The following EXOC6B variants were observed in gnomAD, a reference collection of about 807,000 sequenced individuals.
EXOC6B encodes the protein SEC15 homolog B.
A neutral mutation model predicts 113.5 loss-of-function variants in EXOC6B; 54 were observed. The ratio of observed to expected loss-of-function variants is 0.48; its 90% confidence interval spans 0.38 to 0.60. The LOEUF (loss-of-function observed/expected upper bound fraction) is 0.60. EXOC6B is among the 20% of genes least tolerant of loss of function. The pLI is 0.00. For missense variants in EXOC6B, 797 were observed against 977.5 expected (o/e 0.82, Z 2.46); for synonymous variants, 357 against 339.0 (o/e 1.05, Z -0.58).
chr2:72,760,012 G>A (rs1041796705), intron 1 of EXOC6B, among the ~76,000 whole-genome samples: 3 of 152,170 alleles, frequency 2.0e-5, no homozygotes, highest in Non-Finnish European at 4.4e-5. Flanking sequence ...TTCACACCAT[G>A]TGTCAGAGAG....
intron 6 of EXOC6B, among the ~76,000 whole-genome samples, chr2:72,706,896 T>G (rs1341612767): frequency 6.6e-6 from 1 of 152,194 alleles, no homozygotes; most frequent in African/African-American, 2.4e-5. Context: ...CACTTTGTGC[T>G]TGGAGCCCAT....
At chr2:72,765,310 A>C (rs1378101692) in intron 1 of EXOC6B, among the ~76,000 whole-genome samples, 2 of 152,084 alleles carry the variant, frequency 1.3e-5, no homozygotes, top group African/African-American at 4.8e-5. Flanking sequence ...AAATAAAAAT[A>C]AATAAATGAA....
At chr2:72,468,004 C>G (rs1472866417) in intron 17 of EXOC6B, among the ~76,000 whole-genome samples, 2 of 152,158 alleles carry the variant, frequency 1.3e-5, no homozygotes. Context: ...CTCTTGACCT[C>G]AAGTGATTCG....
chr2:72,530,188 T>C (rs1701929800), intron 8 of EXOC6B, among the ~76,000 whole-genome samples: 1 of 152,206 alleles, frequency 6.6e-6, no homozygotes, highest in East Asian at 1.9e-4. Context: ...ATTTTGCCTT[T>C]CTTTTCCTAG....
chr2:72,781,443 A>T (rs1684028862), intron 1 of EXOC6B, among the ~76,000 whole-genome samples: 1 of 152,240 alleles, frequency 6.6e-6, no homozygotes, highest in South Asian at 2.1e-4. Flanking sequence ...GCAGCCAATT[A>T]TCTAGAGTCA....
chr2:72,730,579 G>GACAC (rs3034987), intron 5 of EXOC6B, among the ~76,000 whole-genome samples: 6,787 of 144,462 alleles, frequency 0.047, 460 homozygotes, highest in African/African-American at 0.15. Flanking sequence ...AACAGACAGA[G>GACAC]ACACACACAC....
chr2:72,685,789 A>T (rs1677046675), intron 6 of EXOC6B, among the ~76,000 whole-genome samples: 1 of 152,232 alleles, frequency 6.6e-6, no homozygotes, highest in South Asian at 2.1e-4. Context: ...AACAATGCCT[A>T]AAAGGCATTT....
intron 18 of EXOC6B, among the ~76,000 whole-genome samples, chr2:72,381,327 C>G (rs985512178): frequency 6.6e-6 from 1 of 152,008 alleles, no homozygotes; most frequent in Non-Finnish European, 1.5e-5. Flanking sequence ...TGGAAGTATA[C>G]CACAATTTAT....
In EXOC6B at chr2:72,643,033, C is replaced by G. The variant is rs1033812418; in HGVS notation, c.670-67365G>C. On this transcript the variant is annotated intron_variant, in intron 6 of 21. Transcript: ENST00000272427. ...AAAAATGCTCACCATCACTGGCCAC[C>G]AGAGAAATGCAAATCAAAACCACAA... 6.4e-4 allele frequency among the ~76,000 whole-genome samples: 97 copies of G among 152,186 alleles called. 1 individual carries two copies. In the East Asian group the frequency reaches 0.013, roughly 21 times the overall value.
At position 72,369,078 on chromosome 2, in the gene EXOC6B, T is replaced by C. The variant is rs964867555; in HGVS notation, c.2122+10651A>G. Among the ~76,000 whole-genome samples the C allele has an allele frequency of 1.0e-3, 153 of 152,278 alleles. 1 individual carries two copies. The highest frequency in any genetic ancestry group is 3.7e-3 in the Admixed American group (56 of 15,294). Reference sequence around the variant, plus strand: ...TAGGAAAAGAGGTAGTCAAATTGTCTCTGTTTGCAGATGACATGATTGTAT... The same window carrying C: ...TAGGAAAAGAGGTAGTCAAATTGTCCCTGTTTGCAGATGACATGATTGTAT... On this transcript the variant is annotated intron_variant, in intron 19 of 21. Coordinates refer to ENST00000272427, the MANE Select transcript of EXOC6B (RefSeq NM_015189.3).
intron 6 of EXOC6B, among the ~76,000 whole-genome samples, chr2:72,589,706 G>A (rs1171712472): frequency 6.6e-6 from 1 of 151,826 alleles, no homozygotes; most frequent in East Asian, 1.9e-4. Context: ...TTGTGAGTGT[G>A]CACAGTGGGT....
At chr2:72,356,662 A>G (rs1423661678) in intron 19 of EXOC6B, among the ~76,000 whole-genome samples, 1 of 152,170 alleles carries the variant, frequency 6.6e-6, no homozygotes, top group African/African-American at 2.4e-5. Context: ...GTAAAAAATT[A>G]TTGACCTTAT....
chr2:72,242,724 T>A (rs1275391515), intron 20 of EXOC6B, among the ~76,000 whole-genome samples: 1 of 152,160 alleles, frequency 6.6e-6, no homozygotes, highest in East Asian at 1.9e-4. Context: ...CCCAATTATA[T>A]GTTATATATA....
At chr2:72,729,819 T>C (rs918675034) in intron 5 of EXOC6B, among the ~76,000 whole-genome samples, 3 of 152,190 alleles carry the variant, frequency 2.0e-5, no homozygotes, top group African/African-American at 7.2e-5. Flanking sequence ...GAACTTCTCA[T>C]AGTGTTCTAT....
intron 18 of EXOC6B, among the ~76,000 whole-genome samples, chr2:72,403,192 G>T (rs1348801283): frequency 6.6e-6 from 1 of 152,158 alleles, no homozygotes; most frequent in Non-Finnish European, 1.5e-5. Context: ...TCTTCTTGGG[G>T]TTTAGACAGT....
chr2:72,548,937 G>A (rs1012009580), intron 8 of EXOC6B, among the ~76,000 whole-genome samples: 46 of 152,152 alleles, frequency 3.0e-4, no homozygotes, highest in Admixed American at 2.6e-3. Flanking sequence ...GTGTGAACCC[G>A]GGAGGCGGAG....
Position 72,441,369 on chromosome 2 carries a change from GC to G in EXOC6B, c.1980+23790del, listed in dbSNP as rs201411744. Among the ~76,000 whole-genome samples, 545 of 151,720 alleles carry G rather than the reference GC, an allele frequency of 3.6e-3. 3 individuals carry two copies. Among genetic ancestry groups the G allele is most frequent in the African/African-American group, 0.012 (494 of 41,350 alleles). Reference sequence around the variant, plus strand: ...CAAGAGCAAACAAATCCCAAAGCTAGCAGAAGACAAGGAAAAAACAAAATCA... The same window carrying G: ...CAAGAGCAAACAAATCCCAAAGCTAGAGAAGACAAGGAAAAAACAAAATCA... On this transcript the variant is annotated intron_variant, in intron 18 of 21. Transcript: ENST00000272427.
At chr2:72,187,349 G>A (rs562941898) in intron 20 of EXOC6B, among the ~76,000 whole-genome samples, 1 of 152,110 alleles carries the variant, frequency 6.6e-6, no homozygotes, top group South Asian at 2.1e-4. Flanking sequence ...AGCCATGTTT[G>A]TGTTACCCCA....
chr2:72,481,668 T>A (rs992601261), intron 16 of EXOC6B, among the ~76,000 whole-genome samples: 1 of 152,244 alleles, frequency 6.6e-6, no homozygotes, highest in South Asian at 2.1e-4. Flanking sequence ...ACTGATCTTG[T>A]GAAATTTTCT....
Sources: gnomAD v4.1 joint callset for allele counts (sites outside exome capture counted in the v4.1 genomes callset) on GRCh38, gnomAD v4.1.1 for gene constraint, MANE v1.5 for transcripts, NCBI Gene and HGNC (gene_info 2026-07-23, HGNC 2026-07-21) for gene names.